IL1RAP: variants seen among roughly 807,000 people sequenced by gnomAD.
The protein encoded by IL1RAP is interleukin 1 receptor accessory protein.
Under a neutral mutation model 60.7 loss-of-function variants are expected in IL1RAP, and 35 were observed. That is an observed-to-expected ratio of 0.58 (90% CI 0.44 to 0.76). The LOEUF (loss-of-function observed/expected upper bound fraction) is 0.76. Among genes scored for constraint, IL1RAP ranks in the 30% least tolerant of loss-of-function variants. The probability of loss-of-function intolerance (pLI) is 0.00; values close to 1 mark genes in which losing one functional copy is unlikely to be tolerated. For synonymous variants in IL1RAP, 268 were observed against 250.9 expected (o/e 1.07, Z -0.64); for missense variants, 572 against 693.9 (o/e 0.82, Z 1.97).
At chr3:190,647,172 A>C (rs1298461482) in intron 11 of IL1RAP, among the ~76,000 whole-genome samples, 1 of 152,090 alleles carries the variant, frequency 6.6e-6, no homozygotes, top group Non-Finnish European at 1.5e-5. Flanking sequence ...GTCTCTTGCC[A>C]TGCTTGCACA....
intron 2 of IL1RAP, among the ~76,000 whole-genome samples, chr3:190,563,177 T>C (rs770879258): frequency 6.6e-6 from 1 of 152,328 alleles, no homozygotes; most frequent in Non-Finnish European, 1.5e-5. Context: ...AATACCTCTT[T>C]GATCTGTTTA....
chr3:190,523,465 C>A (rs1014347290), intron 1 of IL1RAP, among the ~76,000 whole-genome samples: 1 of 151,948 alleles, frequency 6.6e-6, no homozygotes, highest in Non-Finnish European at 1.5e-5. Context: ...TATTTCATTG[C>A]CCAGGTATTA....
intron 3 of IL1RAP, among the ~76,000 whole-genome samples, chr3:190,600,750 TAAA>T (rs1301506741): frequency 5.3e-5 from 8 of 152,178 alleles, no homozygotes; most frequent in Admixed American, 3.3e-4. Context: ...GGAGAACCCA[TAAA>T]TAGTGGGTGA....
At chr3:190,604,014 C>A in intron 3 of IL1RAP, 114 bp from the exon 4 acceptor site, 2 of 1,027,228 alleles carry the variant, frequency 1.9e-6, no homozygotes, top group Non-Finnish European at 1.4e-6. Context: ...GGAAGATGAC[C>A]AGAGAAAGAG....
At chr3:190,630,505 C>G (rs1732693192) in intron 9 of IL1RAP, among the ~76,000 whole-genome samples, 2 of 152,180 alleles carry the variant, frequency 1.3e-5, no homozygotes, top group African/African-American at 4.8e-5. Context: ...TTACATTTTA[C>G]AGAGACTTAA....
chr3:190,570,538 C>T (rs6798593), intron 3 of IL1RAP, among the ~76,000 whole-genome samples: 38,421 of 150,778 alleles, frequency 0.25, 5,243 homozygotes, highest in East Asian at 0.52. Context: ...TTTTTTACTT[C>T]TGAGATACTT....
At chr3:190,578,066 GGGA>G (rs1420753265) in intron 3 of IL1RAP, among the ~76,000 whole-genome samples, 2 of 152,124 alleles carry the variant, frequency 1.3e-5, no homozygotes, top group Non-Finnish European at 2.9e-5. Context: ...AGAGGGAGGT[GGGA>G]GGAGGACACA....
chr3:190,515,966 T>C lies in IL1RAP; in HGVS notation c.-89+1747T>C, dbSNP rs139835512. On this transcript the variant is annotated intron_variant, in intron 1 of 11. Coordinates refer to ENST00000447382, the MANE Select transcript of IL1RAP (RefSeq NM_002182.4). The stretch of plus-strand genomic sequence containing the variant: ...CACACTAGTCTTCCTGTATTATTGG[T>C]ATTTTAAAGTTAAATGGATTCCCTC... Among the ~76,000 whole-genome samples, 9 of 152,304 alleles carry C rather than the reference T, an allele frequency of 5.9e-5. No homozygotes were observed. The East Asian group carries it at 1.7e-3, about 29-fold the overall frequency.
chr3:190,576,480 C>A (rs1727461060), intron 3 of IL1RAP, among the ~76,000 whole-genome samples: 1 of 152,126 alleles, frequency 6.6e-6, no homozygotes, highest in African/African-American at 2.4e-5. Context: ...ATTGATCAGT[C>A]TAAAAAGAAG....
chr3:190,648,711 A>C lies in IL1RAP; in HGVS notation c.*6A>C. ...CATCTTTGAAAAATGTATGAAAGGA[A>C]TAATGAAAAGGGTAAAAAGAACAAG... On this transcript the variant is annotated 3_prime_UTR_variant, in exon 12 of 12. Coordinates refer to ENST00000447382, the MANE Select transcript of IL1RAP (RefSeq NM_002182.4). 6.2e-7 allele frequency: 1 copy of C among 1,602,974 alleles called. No individual in the cohort carries two copies. Among genetic ancestry groups the C allele is most frequent in the South Asian group, 1.1e-5 (1 of 89,354 alleles).
chr3:190,542,440 A>G (rs1437011314), intron 1 of IL1RAP, among the ~76,000 whole-genome samples: 1 of 152,216 alleles, frequency 6.6e-6, no homozygotes, highest in African/African-American at 2.4e-5. Context: ...TTGTGTGAAT[A>G]TGAAGTAAAA....
intron 9 of IL1RAP, among the ~76,000 whole-genome samples, chr3:190,634,969 C>G (rs1733106005): frequency 6.6e-6 from 1 of 152,170 alleles, no homozygotes. Flanking sequence ...CCCGCCTAGG[C>G]CTCCCAAAGT....
chr3:190,606,887 C>T (rs1325708998), intron 4 of IL1RAP, among the ~76,000 whole-genome samples: 1 of 152,062 alleles, frequency 6.6e-6, no homozygotes, highest in East Asian at 1.9e-4. Context: ...TATTCTTGCC[C>T]CAATACTGTT....
intron 2 of IL1RAP, among the ~76,000 whole-genome samples, chr3:190,560,937 A>C (rs1725836079): frequency 6.6e-6 from 1 of 152,182 alleles, no homozygotes; most frequent in African/African-American, 2.4e-5. Context: ...AATAGGATTA[A>C]ATATGAGAGA....
At chr3:190,605,476 T>C (rs1032711313) in intron 4 of IL1RAP, among the ~76,000 whole-genome samples, 1 of 152,226 alleles carries the variant, frequency 6.6e-6, no homozygotes, top group African/African-American at 2.4e-5. Flanking sequence ...GCCTTTGTTT[T>C]CTAAACTCCC....
chr3:190,597,008 C>T (rs1729434133), intron 3 of IL1RAP, among the ~76,000 whole-genome samples: 1 of 152,064 alleles, frequency 6.6e-6, no homozygotes, highest in Admixed American at 6.6e-5. Context: ...AGAAAAAGCT[C>T]AATAATAATA....
intron 3 of IL1RAP, among the ~76,000 whole-genome samples, chr3:190,583,681 C>A (rs1380165425): frequency 6.6e-6 from 1 of 152,134 alleles, no homozygotes; most frequent in Non-Finnish European, 1.5e-5. Flanking sequence ...GAAATTGCTT[C>A]AAACTGAGAG....
chr3:190,612,999 C>A (rs1486000356), intron 5 of IL1RAP, among the ~76,000 whole-genome samples: 1 of 152,100 alleles, frequency 6.6e-6, no homozygotes, highest in Non-Finnish European at 1.5e-5. Flanking sequence ...ATGCCCAGAG[C>A]TGTGTAGTCC....
At chr3:190,581,360 C>A (rs1727981443) in intron 3 of IL1RAP, among the ~76,000 whole-genome samples, 1 of 152,100 alleles carries the variant, frequency 6.6e-6, no homozygotes, top group Admixed American at 6.5e-5. Flanking sequence ...CCAGTAAAAG[C>A]AAATCAGGAA....
Sources: allele counts gnomAD v4.1 joint callset (sites outside exome capture counted in the v4.1 genomes callset), GRCh38; gene constraint gnomAD v4.1.1; transcripts MANE v1.5; gene names NCBI Gene and HGNC (gene_info 2026-07-23, HGNC 2026-07-21).